FRY: variants seen among roughly 807,000 people sequenced by gnomAD.
FRY encodes protein furry homolog.
FRY carries 128 observed loss-of-function variants against 348.4 expected under a neutral mutation model. The observed-to-expected ratio is 0.37, with a 90% CI of 0.32 to 0.43. The LOEUF is 0.43. Among genes scored for constraint, FRY ranks in the 20% least tolerant of loss-of-function variants. The probability of loss-of-function intolerance (pLI) is 1.00; values close to 1 mark genes in which losing one functional copy is unlikely to be tolerated. For missense variants in FRY, 2,736 were observed against 3,695.2 expected, an observed-to-expected ratio of 0.74 and a Z score of 6.73; for synonymous variants, 1,370 against 1,374.7, an observed-to-expected ratio of 1.00 and a Z score of 0.08.
intron 34 of FRY, 114 bp downstream of exon 34, chr13:32,211,148 G>A (rs958749732): frequency 7.0e-6 from 7 of 994,878 alleles, no homozygotes; most frequent in African/African-American, 1.6e-5. Context: ...TCCTGTGTGT[G>A]CATTCAGTTA....
chr13:32,053,794 C>A (rs1192875699), intron 1 of FRY, among the ~76,000 whole-genome samples: 1 of 152,162 alleles, frequency 6.6e-6, no homozygotes, highest in Non-Finnish European at 1.5e-5. Context: ...TTGTCTCCTT[C>A]TTGGGTAGAA....
At chr13:32,042,515 G>T (rs1872795950) in intron 1 of FRY, among the ~76,000 whole-genome samples, 1 of 142,282 alleles carries the variant, frequency 7.0e-6, no homozygotes, top group Non-Finnish European at 1.5e-5. Flanking sequence ...CTGTTAATTA[G>T]CTTGCCCAAC....
intron 51 of FRY, chr13:32,258,021 T>A (rs1887425494): frequency 6.9e-7 from 1 of 1,444,192 alleles, no homozygotes; most frequent in Non-Finnish European, 9.8e-7. Flanking sequence ...ATGTTTTGCA[T>A]CTTTGCAGAT....
At chr13:32,269,035 C>T (rs1226927146) in intron 55 of FRY, among the ~76,000 whole-genome samples, 1 of 152,068 alleles carries the variant, frequency 6.6e-6, no homozygotes, top group African/African-American at 2.4e-5. Flanking sequence ...ACTTGTGTAG[C>T]TGTTGAGTTC....
intron 3 of FRY, among the ~76,000 whole-genome samples, chr13:32,107,094 C>A (rs191327261): frequency 6.6e-6 from 1 of 152,242 alleles, no homozygotes; most frequent in Non-Finnish European, 1.5e-5. Flanking sequence ...TAATGGCTCA[C>A]GCCTATAATC....
chr13:32,078,382 C>T (rs531009103), intron 1 of FRY, among the ~76,000 whole-genome samples: 1 of 152,250 alleles, frequency 6.6e-6, no homozygotes, highest in East Asian at 1.9e-4. Context: ...GAAGGAATGA[C>T]CCCAGAGTCC....
intron 1 of FRY, among the ~76,000 whole-genome samples, chr13:32,068,731 A>C (rs999246974): frequency 6.6e-6 from 1 of 152,210 alleles, no homozygotes; most frequent in African/African-American, 2.4e-5. Context: ...TTTTGAGAGA[A>C]CATAGACTGA....
intron 14 of FRY, among the ~76,000 whole-genome samples, chr13:32,151,697 C>T (rs533594587): frequency 6.6e-6 from 1 of 152,352 alleles, no homozygotes; most frequent in Admixed American, 6.5e-5. Flanking sequence ...TATCCATCCT[C>T]ATCGTCGTGA....
chr13:32,223,671 A>T (rs761735623), intron 36 of FRY, among the ~76,000 whole-genome samples: 2 of 152,150 alleles, frequency 1.3e-5, no homozygotes, highest in Non-Finnish European at 2.9e-5. Context: ...CTATAGTCCT[A>T]GCTACTTGGG....
chr13:32,165,464 T>C (rs1026821175), intron 17 of FRY, among the ~76,000 whole-genome samples: 5 of 152,170 alleles, frequency 3.3e-5, no homozygotes, highest in Middle Eastern at 3.4e-3. Flanking sequence ...GTTCATTCTT[T>C]AATAGCCTCC....
intron 58 of FRY, chr13:32,287,855 C>T (rs1240222439): frequency 7.4e-7 from 1 of 1,350,690 alleles, no homozygotes; most frequent in Non-Finnish European, 9.9e-7. Flanking sequence ...CTGTGCCATG[C>T]TTGCTGTGTA....
At chr13:32,262,244 A>C in intron 52 of FRY, 70 bp from the exon 53 acceptor site, 14 of 1,268,252 alleles carry the variant, frequency 1.1e-5, no homozygotes, top group Non-Finnish European at 1.1e-5. Flanking sequence ...ACCAACAACT[A>C]GAGAATAAAT....
At chr13:32,277,726 G>A (rs1331671806) in intron 57 of FRY, among the ~76,000 whole-genome samples, 1 of 152,254 alleles carries the variant, frequency 6.6e-6, no homozygotes, top group African/African-American at 2.4e-5. Flanking sequence ...CCAAGGGCAA[G>A]AGTTCAAACT....
chr13:32,285,197 CA>C (rs1472073353), intron 58 of FRY, among the ~76,000 whole-genome samples: 2 of 152,078 alleles, frequency 1.3e-5, no homozygotes, highest in Non-Finnish European at 2.9e-5. Context: ...AAAGACTTCT[CA>C]AGGGATTATT....
At chr13:32,172,774 G>A (rs1040805381) in intron 18 of FRY, among the ~76,000 whole-genome samples, 5 of 152,072 alleles carry the variant, frequency 3.3e-5, no homozygotes, top group African/African-American at 9.7e-5. Context: ...ATGCCAACAC[G>A]ATAGGTAGAA....
intron 29 of FRY, among the ~76,000 whole-genome samples, chr13:32,194,612 G>A (rs1017063111): frequency 1.3e-5 from 2 of 152,108 alleles, no homozygotes; most frequent in African/African-American, 2.4e-5. Flanking sequence ...GGAATGTCTA[G>A]AAATGTTTAT....
intron 24 of FRY, among the ~76,000 whole-genome samples, chr13:32,183,766 ACT>A (rs1345083234): frequency 8.5e-6 from 1 of 117,430 alleles, no homozygotes; most frequent in Non-Finnish European, 1.7e-5. Flanking sequence ...ACAGAGCAAG[ACT>A]CTGTCTCCAA....
chr13:32,225,073 G>T (rs1566146805), intron 38 of FRY, 37 bp downstream of exon 38: 1 of 1,149,868 alleles, frequency 8.7e-7, no homozygotes, highest in Non-Finnish European at 1.3e-6. Context: ...AGCCAATCGG[G>T]TTAAAAATAT....
Position 32,161,147 on chromosome 13 carries a change from T to C in FRY, c.1788T>C (p.Gly596=). The C allele has an allele frequency of 2.5e-6, 4 of 1,600,474 alleles. No homozygotes were observed. Among genetic ancestry groups the C allele is most frequent in the Non-Finnish European group, 3.4e-6 (4 of 1,167,760 alleles). ...LNKEPEDMIT[G]ERKPKIDLFR... ...AAATTTTGTCTTCTAATTCTAGGGG[T>C]GAGAGAAAGCCAAAAATAGATCTTT... is the stretch of plus-strand genomic sequence containing the variant. The change falls in exon 17 of 61, where the codon GGT becomes GGC. Residue 596 remains glycine (G), a synonymous_variant. Coordinates refer to ENST00000542859, the MANE Select transcript of FRY (RefSeq NM_023037.3).
Sources: allele counts gnomAD v4.1 joint callset (sites outside exome capture counted in the v4.1 genomes callset), GRCh38; gene constraint gnomAD v4.1.1; transcripts MANE v1.5; gene names NCBI Gene and HGNC (gene_info 2026-07-23, HGNC 2026-07-21).